The following PZP variants were observed in gnomAD, a reference collection of about 807,000 sequenced individuals.
The protein encoded by PZP is PZP alpha-2-macroglobulin like, also known as pregnancy zone protein.
PZP carries 150 observed loss-of-function variants against 179.8 expected under a neutral mutation model. The observed-to-expected ratio is 0.83, with a 90% CI of 0.73 to 0.96. The LOEUF is 0.96. Ranked by LOEUF, PZP falls within the 40% of genes least tolerant of loss-of-function variation. The pLI is 0.00. For missense variants in PZP, 1,689 were observed against 1,764.0 expected (o/e 0.96, Z 0.76); for synonymous variants, 624 against 652.3 (o/e 0.96, Z 0.66).
chr12:9,153,003 C>T (rs769610958), intron 30 of PZP, 52 bp from the exon 31 acceptor site: 1 of 1,612,622 alleles, frequency 6.2e-7, no homozygotes. Flanking sequence ...GGACCCCTCA[C>T]TTCCTCATTA....
intron 17 of PZP, among the ~76,000 whole-genome samples, chr12:9,168,046 G>A (rs1321994187): frequency 6.6e-6 from 1 of 152,082 alleles, no homozygotes; most frequent in African/African-American, 2.4e-5. Flanking sequence ...ATTTAAAGAT[G>A]GATATTAATC....
chr12:9,179,167 G>A (rs1489942110), intron 15 of PZP, among the ~76,000 whole-genome samples: 2 of 151,964 alleles, frequency 1.3e-5, no homozygotes, highest in African/African-American at 4.8e-5. Flanking sequence ...GTTTTAAATA[G>A]GTTAGACAAG....
chr12:9,180,922 G>T, intron 15 of PZP, 61 bp downstream of exon 15: 6 of 1,543,028 alleles, frequency 3.9e-6, no homozygotes, highest in Non-Finnish European at 4.3e-6. Flanking sequence ...GCTAATAGAG[G>T]CTTCTTGATC....
chr12:9,191,202 G>GA (rs1415051659), intron 13 of PZP, among the ~76,000 whole-genome samples: 21 of 152,066 alleles, frequency 1.4e-4, no homozygotes, highest in African/African-American at 3.9e-4. Flanking sequence ...TATTATAAAA[G>GA]AAAAAATCAA....
At chr12:9,201,429 T>A in intron 4 of PZP, 82 bp from the exon 5 acceptor site, 2 of 1,059,446 alleles carry the variant, frequency 1.9e-6, no homozygotes, top group Non-Finnish European at 2.8e-6. Flanking sequence ...AACAACAAAC[T>A]GAGGAAGAAT....
rs764784379 is a variant in PZP at position 9,192,507 on chromosome 12, C to T, written c.1482+5G>A. 3 of 1,609,238 alleles carry T rather than the reference C, an allele frequency of 1.9e-6. No homozygotes were observed. The highest frequency in any genetic ancestry group is 2.6e-6 in the Non-Finnish European group (3 of 1,175,718). On this transcript the variant is annotated splice_donor_5th_base_variant and intron_variant, in intron 12 of 35. Transcript: ENST00000261336. ...TGCAATTGTATTCCATGGCCTCATT[C>T]TTACCAGGTAATGGAAACTGAGCTC...
In PZP at chr12:9,178,903, T is replaced by C. The variant is rs754957138; in HGVS notation, c.1839+2080A>G. 5.9e-5 allele frequency among the ~76,000 whole-genome samples: 9 copies of C among 152,124 alleles called. No homozygotes were observed. The South Asian group carries it at 8.3e-4, about 14-fold the overall frequency. ...AGGACAGGGGTCTCAGATATAGTTA[T>C]CTCACAGTTTAAAATTTTAATAGAC... On this transcript the variant is annotated intron_variant, in intron 15 of 35. Transcript: ENST00000261336.
intron 25 of PZP, 75 bp from the exon 26 acceptor site, chr12:9,158,651 TC>T: frequency 6.8e-7 from 1 of 1,460,664 alleles, no homozygotes; most frequent in Non-Finnish European, 9.2e-7. Context: ...ACACACAGGC[TC>T]CCCCATCACA....
chr12:9,159,672 G>T (rs2120644102), intron 25 of PZP, among the ~76,000 whole-genome samples: 1 of 151,876 alleles, frequency 6.6e-6, no homozygotes, highest in East Asian at 1.9e-4. Context: ...ACCCAAGTGA[G>T]CCCATTCAAT....
intron 15 of PZP, among the ~76,000 whole-genome samples, chr12:9,172,367 A>T: frequency 6.6e-6 from 1 of 152,200 alleles, no homozygotes; most frequent in Middle Eastern, 3.2e-3. Flanking sequence ...AAGAAAGACC[A>T]TTACCAGCCA....
chr12:9,158,989 G>T (rs924390133), intron 25 of PZP, among the ~76,000 whole-genome samples: 1 of 151,808 alleles, frequency 6.6e-6, no homozygotes, highest in African/African-American at 2.4e-5. Context: ...CTAATGTTCT[G>T]CTTCAGTAAA....
intron 9 of PZP, 25 bp from the exon 10 acceptor site, chr12:9,196,464 T>C (rs1469088680): frequency 6.3e-7 from 1 of 1,581,848 alleles, no homozygotes; most frequent in Non-Finnish European, 8.7e-7. Flanking sequence ...GAGTCAGTAC[T>C]TTTAGAAGTT....
At chr12:9,206,617 C>T (rs753320822) in intron 1 of PZP, among the ~76,000 whole-genome samples, 10 of 152,192 alleles carry the variant, frequency 6.6e-5, no homozygotes, top group South Asian at 2.1e-4. Flanking sequence ...GCTTACTGCC[C>T]CAAGGCAGGG....
chr12:9,203,671 T>A, intron 2 of PZP, 97 bp downstream of exon 2: 1 of 1,412,056 alleles, frequency 7.1e-7, no homozygotes, highest in Non-Finnish European at 9.8e-7. Flanking sequence ...CTTAAAGTCA[T>A]ACCTTGGGAT....
At position 9,181,096 on chromosome 12, in the gene PZP, C is replaced by G. The variant is rs1437535606; in HGVS notation, c.1726G>C (p.Ala576Pro). 6 of 1,614,138 alleles carry G rather than the reference C, an allele frequency of 3.7e-6. No individual in the cohort carries two copies. The highest frequency in any genetic ancestry group is 5.1e-6 in the Non-Finnish European group (6 of 1,180,002). Reference protein sequence around the residue: ...LSFSPAQSPPASHAHLQVAAA... With the variant: ...LSFSPAQSPPPSHAHLQVAAA... The stretch of plus-strand genomic sequence containing the variant: ...GCTACTTGCAGGTGGGCATGTGAGG[C>G]TGGGGGACTTTGTGCTGGGCTGAAG... The change falls in exon 15 of 36, where the codon GCC becomes CCC. Residue 576 changes from alanine to proline, a missense_variant. By Grantham distance (27) the Ala-to-Pro change is conservative (BLOSUM62 -1). Around this residue, in one of 3 missense-constraint regions of PZP, gnomAD observed 742 missense variants for 730.5 expected, o/e 1.02. Coordinates refer to ENST00000261336, the MANE Select transcript of PZP (RefSeq NM_002864.3).
chr12:9,156,932 AATGTT>A (rs1374671663), intron 28 of PZP, among the ~76,000 whole-genome samples: 1 of 151,320 alleles, frequency 6.6e-6, no homozygotes, highest in East Asian at 1.9e-4. Context: ...TTATTTTTTA[AATGTT>A]ATTTTATTTT....
Position 9,194,101 on chromosome 12 carries a change from G to A in PZP, c.1230C>T (p.Ile410=), listed in dbSNP as rs759395888. The stretch of plus-strand genomic sequence containing the variant: ...CCCGGACAAAAAGTTTATTAACCGA[G>A]ATACTGGTAGTATTGATTGAAAACT... ...LAQFSINTTS[I]SVNKLFVRVF... is the part of the protein sequence containing the mutation. Residue 410 remains isoleucine, a synonymous_variant, in exon 11 of 36, where the codon ATC becomes ATT. Transcript: ENST00000261336. 1 of 1,613,628 alleles carries A rather than the reference G, an allele frequency of 6.2e-7. No individual in the cohort carries two copies. The highest frequency in any genetic ancestry group is 1.3e-5 in the African/African-American group (1 of 75,008).
intron 13 of PZP, among the ~76,000 whole-genome samples, chr12:9,185,330 T>G (rs994746406): frequency 2.6e-5 from 4 of 152,036 alleles, no homozygotes; most frequent in African/African-American, 9.7e-5. Flanking sequence ...GGAAAGAATC[T>G]CAGAGCCACA....
chr12:9,158,699 A>T, intron 25 of PZP, 123 bp from the exon 26 acceptor site: 2 of 865,964 alleles, frequency 2.3e-6, no homozygotes, highest in Non-Finnish European at 1.6e-6. Flanking sequence ...TGTTACTGAG[A>T]GTTTGGAGAC....
Sources: allele counts gnomAD v4.1 joint callset (sites outside exome capture counted in the v4.1 genomes callset), GRCh38; gene constraint gnomAD v4.1.1; regional missense constraint gnomAD v4.1.1; transcripts MANE v1.5; gene names NCBI Gene and HGNC (gene_info 2026-07-23, HGNC 2026-07-21).